The following DIAPH2 variants were observed in gnomAD, a reference collection of about 807,000 sequenced individuals.
DIAPH2 encodes protein diaphanous homolog 2.
In DIAPH2, 35 loss-of-function variants were observed where a neutral mutation model predicts 92.7. The observed-to-expected ratio is 0.38, with a 90% CI of 0.29 to 0.50. DIAPH2 has a LOEUF of 0.50. DIAPH2 is among the 20% of genes least tolerant of loss of function. The pLI is 0.94. For synonymous variants in DIAPH2, 301 were observed against 280.4 expected (o/e 1.07, Z -0.73); for missense variants, 701 against 819.5 (o/e 0.86, Z 1.77).
intron 4 of DIAPH2, 48 bp from the exon 5 acceptor site, chrX:96,881,531 A>T (rs2065213129): frequency 9.0e-7 from 1 of 1,116,604 alleles, no homozygotes; most frequent in Non-Finnish European, 1.2e-6. Context: ...TTTTACTTAA[A>T]TTTTTTTTGA....
chrX:97,342,624 C>A (rs763145715), intron 23 of DIAPH2, among the ~76,000 whole-genome samples: 1 of 111,744 alleles, frequency 8.9e-6, no homozygotes, highest in African/African-American at 3.3e-5. Context: ...CTGTGCCAGG[C>A]GCACGTCTAG....
In DIAPH2 at chrX:97,032,859, G is replaced by A. The variant is rs185734017; in HGVS notation, c.2051-40082G>A. 1.1e-3 allele frequency among the ~76,000 whole-genome samples: 121 copies of A among 111,330 alleles called. 1 individual carries two copies. Among genetic ancestry groups the A allele is most frequent in the African/African-American group, 3.9e-3 (119 of 30,723 alleles). ...CTGACTTATGTGACTAACTACTTTG[G>A]CTCTTTTAAGTTTTCAGTTTTCCTC... On this transcript the variant is annotated intron_variant, in intron 17 of 26. Coordinates refer to ENST00000324765, the MANE Select transcript of DIAPH2 (RefSeq NM_006729.5).
chrX:97,497,898 A>G (rs1175281045), intron 26 of DIAPH2, among the ~76,000 whole-genome samples: 1 of 111,247 alleles, frequency 9.0e-6, no homozygotes, highest in African/African-American at 3.3e-5. Context: ...ATCATATAAC[A>G]GTCTTTTTCT....
chrX:97,138,710 ATTG>A (rs2067189687), intron 21 of DIAPH2, among the ~76,000 whole-genome samples: 1 of 111,585 alleles, frequency 9.0e-6, no homozygotes, highest in South Asian at 3.7e-4. Context: ...TGTTTGTGTT[ATTG>A]TTTGAAGATA....
chrX:96,884,188 C>T, intron 5 of DIAPH2: 1 of 535,107 alleles, frequency 1.9e-6, no homozygotes, highest in Non-Finnish European at 3.0e-6. Flanking sequence ...TCAATCGTAG[C>T]CTTTCGGACA....
chrX:97,446,614 T>C (rs939456924), intron 26 of DIAPH2, among the ~76,000 whole-genome samples: 4 of 111,874 alleles, frequency 3.6e-5, no homozygotes, highest in Non-Finnish European at 7.5e-5. Flanking sequence ...GTTTTGTTTT[T>C]TAAACTTGGA....
In DIAPH2 at chrX:97,070,974, T is replaced by C. The variant is rs536459919; in HGVS notation, c.2051-1967T>C. Reference sequence around the variant, plus strand: ...TCCTGTTAGTTTGCAGAACCATCTTTATAGGTCCTTCATGGCACAACATGT... The same window carrying C: ...TCCTGTTAGTTTGCAGAACCATCTTCATAGGTCCTTCATGGCACAACATGT... On this transcript the variant is annotated intron_variant, in intron 17 of 26. Coordinates refer to ENST00000324765, the MANE Select transcript of DIAPH2 (RefSeq NM_006729.5). 1.1e-3 allele frequency among the ~76,000 whole-genome samples: 124 copies of C among 111,953 alleles called. 1 individual carries two copies. In the South Asian group the frequency reaches 0.036, roughly 32 times the overall value.
At chrX:96,924,460 G>A (rs1294296215) in intron 9 of DIAPH2, among the ~76,000 whole-genome samples, 1 of 111,054 alleles carries the variant, frequency 9.0e-6, no homozygotes. Context: ...GGTTGCCAGT[G>A]ACCTCCATGA....
chrX:96,892,895 A>G (rs1001565330), intron 5 of DIAPH2, among the ~76,000 whole-genome samples: 2 of 111,540 alleles, frequency 1.8e-5, no homozygotes, highest in African/African-American at 6.5e-5. Context: ...CTGGTCATAT[A>G]AAGGTATGTA....
At chrX:97,146,918 C>G (rs769310022) in intron 22 of DIAPH2, among the ~76,000 whole-genome samples, 15 of 111,760 alleles carry the variant, frequency 1.3e-4, no homozygotes, top group Non-Finnish European at 2.5e-4. Context: ...GTCTTCTCTT[C>G]CATTAGGGGT....
intron 4 of DIAPH2, among the ~76,000 whole-genome samples, chrX:96,866,150 GA>G (rs967365832): frequency 9.0e-6 from 1 of 111,544 alleles, no homozygotes; most frequent in African/African-American, 3.3e-5. Context: ...TGCTTTTAGA[GA>G]TGAGGCCAGT....
intron 23 of DIAPH2, among the ~76,000 whole-genome samples, chrX:97,271,566 AC>A (rs1004119604): frequency 1.8e-5 from 2 of 110,831 alleles, no homozygotes; most frequent in Non-Finnish European, 3.8e-5. Context: ...CCTCTCCACC[AC>A]CATGTGAGCC....
intron 22 of DIAPH2, among the ~76,000 whole-genome samples, chrX:97,246,660 C>G (rs1024240478): frequency 7.1e-5 from 8 of 112,217 alleles, no homozygotes; most frequent in Non-Finnish European, 1.3e-4. Context: ...TTTTGGCAGT[C>G]TCTTAAATTT....
intron 17 of DIAPH2, among the ~76,000 whole-genome samples, chrX:97,050,498 G>A (rs963054221): frequency 1.0e-5 from 1 of 100,011 alleles, no homozygotes; most frequent in Admixed American, 1.1e-4. Flanking sequence ...ATAGAACCAC[G>A]TTTTTTTGTT....
chrX:96,745,863 A>G (rs2064146755), intron 3 of DIAPH2, among the ~76,000 whole-genome samples: 1 of 112,093 alleles, frequency 8.9e-6, no homozygotes, highest in African/African-American at 3.2e-5. Context: ...AAGTAATGGT[A>G]TCAATGGCTA....
rs767954397 is a variant in DIAPH2 at position 96,932,526 on chromosome X, T to G, written c.1089+1683T>G. Among the ~76,000 whole-genome samples the G allele has an allele frequency of 2.7e-5, 3 of 111,421 alleles. No individual in the cohort carries two copies. In the South Asian group the frequency reaches 1.1e-3, roughly 43 times the overall value. ...ATTTGGTTACACAGACAGCTAAGAT[T>G]ATGTGTCTGTGTTTCTAAGCTACAC... is the stretch of plus-strand genomic sequence containing the variant. On this transcript the variant is annotated intron_variant, in intron 10 of 26. Coordinates refer to ENST00000324765, the MANE Select transcript of DIAPH2 (RefSeq NM_006729.5).
chrX:97,047,376 T>C (rs2066490825), intron 17 of DIAPH2, among the ~76,000 whole-genome samples: 1 of 109,147 alleles, frequency 9.2e-6, no homozygotes, highest in African/African-American at 3.3e-5. Context: ...ACATTTATGG[T>C]GGTTAGCCAT....
intron 25 of DIAPH2, among the ~76,000 whole-genome samples, chrX:97,394,568 A>C (rs184676974): frequency 1.5e-4 from 17 of 111,793 alleles, no homozygotes; most frequent in African/African-American, 6.5e-5. Flanking sequence ...AGTACAGTAA[A>C]GACTTACCCA....
chrX:97,122,733 G>A (rs1358033198), intron 21 of DIAPH2, among the ~76,000 whole-genome samples: 4 of 111,270 alleles, frequency 3.6e-5, no homozygotes, highest in Non-Finnish European at 1.9e-5. Flanking sequence ...TTAGACTCTC[G>A]ATCATTTATG....
Sources: gnomAD v4.1 joint callset for allele counts (sites outside exome capture counted in the v4.1 genomes callset) on GRCh38, gnomAD v4.1.1 for gene constraint, MANE v1.5 for transcripts, NCBI Gene and HGNC (gene_info 2026-07-23, HGNC 2026-07-21) for gene names.